The following SMARCB1 variants were observed in gnomAD, a reference collection of about 807,000 sequenced individuals.
SMARCB1 encodes the protein SWI/SNF-related matrix-associated actin-dependent regulator of chromatin subfamily B member 1.
A neutral mutation model predicts 49.0 loss-of-function variants in SMARCB1; 5 were observed. That is an observed-to-expected ratio of 0.10 (90% confidence interval 0.05 to 0.21). The LOEUF is 0.21. Among genes scored for constraint, SMARCB1 ranks in the 10% least tolerant of loss-of-function variants. The pLI is 1.00. For synonymous variants in SMARCB1, 201 were observed against 200.1 expected (o/e 1.00, Z -0.04); for missense variants, 226 against 509.2 (o/e 0.44, Z 5.35).
intron 2 of SMARCB1, chr22:23,793,130 C>T: frequency 7.3e-6 from 2 of 273,546 alleles, no homozygotes; most frequent in Non-Finnish European, 1.5e-5. Flanking sequence ...TTCCATCTCC[C>T]CACCTTGCAT....
At chr22:23,793,734 C>A (rs1182707903) in intron 3 of SMARCB1, 46 bp downstream of exon 3, 3 of 1,559,894 alleles carry the variant, frequency 1.9e-6, no homozygotes, top group South Asian at 1.1e-5. Flanking sequence ...CCTGTGGGGT[C>A]TTTTCTGAGA....
chr22:23,819,391 C>T lies in SMARCB1; in HGVS notation c.795+2455C>T, dbSNP rs552939728. On this transcript the variant is annotated intron_variant, in intron 6 of 8. Coordinates refer to ENST00000644036, the MANE Select transcript of SMARCB1 (RefSeq NM_003073.5). ...TGTTGCTCAGGCTGGAGTGCAGTGG[C>T]GCGATCTTGGCTCATGGCACTCCTG... 9.9e-5 allele frequency among the ~76,000 whole-genome samples: 15 copies of T among 152,182 alleles called. No homozygotes were observed. The East Asian group carries it at 1.2e-3, about 12-fold the overall frequency.
chr22:23,820,543 CAGCCTGG>C (rs906542777), intron 6 of SMARCB1, among the ~76,000 whole-genome samples: 1 of 152,210 alleles, frequency 6.6e-6, no homozygotes, highest in African/African-American at 2.4e-5. Context: ...CACTGCAGTC[CAGCCTGG>C]CTGACAGCGA....
rs757517233 is a variant in SMARCB1, at chr22:23,791,779, C to T, written c.117C>T (p.Phe39=). Residue 39 remains phenylalanine, a synonymous_variant, in exon 2 of 9, where the codon TTC becomes TTT. Coordinates refer to ENST00000644036, the MANE Select transcript of SMARCB1 (RefSeq NM_003073.5). ...AGGTGGGAAACTACCTCCGTATGTT[C>T]CGAGGTTCTCTGTACAAGAGATACC... ...GSEVGNYLRM[F]RGSLYKRYPS... The T allele has an allele frequency of 9.3e-6, 15 of 1,613,876 alleles. No individual in the cohort carries two copies. Among genetic ancestry groups the T allele is most frequent in the Middle Eastern group, 1.6e-4 (1 of 6,080 alleles).
Position 23,816,928 on chromosome 22 carries a change from A to G in SMARCB1, c.787A>G (p.Ile263Val), listed in dbSNP as rs2146010564. ...GGAGGACCAGTCAGACCAGCGCGTCATCATCAAGGTAGGTGACTTCTCACC... is the reference window on the plus strand; with the variant it reads ...GGAGGACCAGTCAGACCAGCGCGTCGTCATCAAGGTAGGTGACTTCTCACC... ...ILEDQSDQRV[I>V]IKLNIHVGNI... The change falls in exon 6 of 9, where the codon ATC (isoleucine) becomes GTC (valine). Residue 263 changes from isoleucine to valine, a missense_variant. By Grantham distance (29) the Ile-to-Val change is conservative (BLOSUM62 3). Transcript: ENST00000644036. 15 of 1,613,888 alleles carry G rather than the reference A, an allele frequency of 9.3e-6. No individual in the cohort carries two copies. The highest frequency in any genetic ancestry group is 1.2e-5 in the Non-Finnish European group (14 of 1,179,944).
At chr22:23,827,852 A>C (rs2146031897) in intron 7 of SMARCB1, among the ~76,000 whole-genome samples, 1 of 151,646 alleles carries the variant, frequency 6.6e-6, no homozygotes, top group East Asian at 2.0e-4. Context: ...GTACCACCCC[A>C]CCCCATGGGA....
Position 23,824,960 on chromosome 22 carries a change from G to A in SMARCB1, c.796-265G>A, listed in dbSNP as rs919118606. 30 of 559,628 alleles carry A rather than the reference G, an allele frequency of 5.4e-5. 1 individual carries two copies. Among genetic ancestry groups the A allele is most frequent in the Non-Finnish European group, 8.7e-5 (27 of 310,954 alleles). 34.7% of individuals were successfully genotyped at this position (559,628 alleles called of 1,614,324 possible). On this transcript the variant is annotated intron_variant, in intron 6 of 8. Coordinates refer to ENST00000644036, the MANE Select transcript of SMARCB1 (RefSeq NM_003073.5). ...ACAGGGGAGATGGGATGAAGGTAAG[G>A]TGGGACTCAGGTGCCCCCGGGGTCA...
chr22:23,827,502 T>C (rs1438629343), intron 7 of SMARCB1, among the ~76,000 whole-genome samples: 2 of 152,154 alleles, frequency 1.3e-5, no homozygotes, highest in African/African-American at 2.4e-5. Context: ...GCCCCTTCTT[T>C]ATCTCATCGA....
At position 23,836,488 on chromosome 22, in the gene SMARCB1, C is replaced by G; in HGVS notation, c.*2308C>G. 1 of 1,005,772 alleles carries G rather than the reference C, an allele frequency of 9.9e-7. No homozygotes were observed. Among genetic ancestry groups the G allele is most frequent in the South Asian group, 4.6e-5 (1 of 21,616 alleles). The allele number at this position is 1,005,772 out of a possible 1,614,324, so 62.3% of individuals were successfully genotyped here. A position where few individuals can be genotyped will look rare whatever the true frequency, so the allele number is the denominator to read the frequency against. On this transcript the variant is annotated 3_prime_UTR_variant, in exon 9 of 9. Transcript: ENST00000644036. The stretch of plus-strand genomic sequence containing the variant: ...AGAGGCCTATGGTGGGCAGGACTTG[C>G]CCAAGGCCCTGGTGGGGCCAGGATG...
At chr22:23,821,569 G>T (rs553867883) in intron 6 of SMARCB1, among the ~76,000 whole-genome samples, 26 of 151,980 alleles carry the variant, frequency 1.7e-4, no homozygotes, top group Admixed American at 1.6e-3. Context: ...TGGAGTCTCG[G>T]CTGGGCACCG....
intron 5 of SMARCB1, among the ~76,000 whole-genome samples, chr22:23,813,917 C>T (rs1230915334): frequency 1.3e-5 from 2 of 152,104 alleles, no homozygotes; most frequent in Non-Finnish European, 2.9e-5. Flanking sequence ...GTAACCTCCA[C>T]CTTCCGGTTT....
intron 7 of SMARCB1, 142 bp from the exon 8 acceptor site, chr22:23,833,430 G>A (rs1453319526): frequency 1.7e-6 from 2 of 1,184,330 alleles, no homozygotes; most frequent in East Asian, 2.3e-5. Flanking sequence ...CAGCTCCCTT[G>A]AGGTTCAGGT....
At position 23,837,180 on chromosome 22, in the gene SMARCB1, G is replaced by T; in HGVS notation, c.*3000G>T. 6.2e-7 allele frequency: 1 copy of T among 1,612,542 alleles called. No homozygotes were observed. Among genetic ancestry groups the T allele is most frequent in the South Asian group, 1.1e-5 (1 of 90,876 alleles). On this transcript the variant is annotated 3_prime_UTR_variant, in exon 9 of 9. Transcript: ENST00000644036. ...CTGTGAGACAGCCACGGACTGTGGG[G>T]TCACCCTCCACAGCCCAGAGTCCTA...
intron 7 of SMARCB1, among the ~76,000 whole-genome samples, chr22:23,827,682 C>T (rs912731941): frequency 2.6e-5 from 4 of 152,206 alleles, no homozygotes; most frequent in East Asian, 1.9e-4. Flanking sequence ...GATGGAGAGG[C>T]GGCCTGCCTG....
chr22:23,813,117 G>A (rs949426421), intron 5 of SMARCB1, among the ~76,000 whole-genome samples: 23 of 152,084 alleles, frequency 1.5e-4, no homozygotes, highest in African/African-American at 5.6e-4. Context: ...CACCCGCCTC[G>A]GCCTCCCAAA....
chr22:23,822,556 A>G (rs1263148284), intron 6 of SMARCB1, among the ~76,000 whole-genome samples: 3 of 152,114 alleles, frequency 2.0e-5, no homozygotes, highest in Non-Finnish European at 4.4e-5. Context: ...TCTGCCCAAA[A>G]TACCGCAGAA....
intron 6 of SMARCB1, 145 bp from the exon 7 acceptor site, chr22:23,825,080 G>A (rs2146026308): frequency 1.4e-6 from 1 of 700,992 alleles, no homozygotes; most frequent in Non-Finnish European, 2.6e-6. Context: ...TGGGGATGGG[G>A]AACTGGAAGG....
chr22:23,825,112 C>T (rs1468523276), intron 6 of SMARCB1, 113 bp from the exon 7 acceptor site: 8 of 832,482 alleles, frequency 9.6e-6, no homozygotes, highest in Non-Finnish European at 1.7e-5. Flanking sequence ...CTGCAGTTCT[C>T]AGCTGGTGGA....
chr22:23,831,313 A>G (rs1168270536), intron 7 of SMARCB1, among the ~76,000 whole-genome samples: 1 of 152,226 alleles, frequency 6.6e-6, no homozygotes, highest in African/African-American at 2.4e-5. Flanking sequence ...GTAAACCTCA[A>G]GATACTCGAC....
Sources: gnomAD v4.1 joint callset for allele counts (sites outside exome capture counted in the v4.1 genomes callset) on GRCh38, gnomAD v4.1.1 for gene constraint, MANE v1.5 for transcripts, NCBI Gene and HGNC (gene_info 2026-07-23, HGNC 2026-07-21) for gene names.